Variants in FAM168A observed in about 807,000 individuals in gnomAD.
FAM168A encodes protein FAM168A.
A neutral mutation model predicts 28.5 loss-of-function variants in FAM168A; 3 were observed. The observed-to-expected ratio is 0.11, with a 90% CI of 0.05 to 0.27. The LOEUF (loss-of-function observed/expected upper bound fraction) is 0.27. Ranked by LOEUF, FAM168A falls within the 10% of genes least tolerant of loss-of-function variation. The pLI, the probability that FAM168A is intolerant of heterozygous loss-of-function variation, is 1.00. For synonymous variants in FAM168A, 122 were observed against 124.2 expected (o/e 0.98, Z 0.12); for missense variants, 222 against 311.5 (o/e 0.71, Z 2.16).
chr11:73,461,820 G>C (rs1867651691), intron 2 of FAM168A, among the ~76,000 whole-genome samples: 1 of 152,162 alleles, frequency 6.6e-6, no homozygotes, highest in African/African-American at 2.4e-5. Context: ...ATCCCAGAAA[G>C]AGTAATAATG....
rs1300137285 is a variant in FAM168A at position 73,406,742 on chromosome 11, G to A, written c.*21C>T. The A allele has an allele frequency of 6.6e-6, 1 of 152,644 alleles. No homozygotes were observed. Among genetic ancestry groups the A allele is most frequent in the East Asian group, 1.9e-4 (1 of 5,198 alleles). The allele number at this position is 152,644 out of a possible 1,614,324, so 9.5% of individuals were successfully genotyped here. On this transcript the variant is annotated splice_region_variant and 3_prime_UTR_variant, in exon 8 of 8. Coordinates refer to ENST00000356467, the MANE Select transcript of FAM168A (RefSeq NM_015159.3). ...TAGTTGCATACAATGTGTGACTCCA[G>A]ATCTGCAGAGGGAAAGGGGAAAGAA...
intron 2 of FAM168A, among the ~76,000 whole-genome samples, chr11:73,437,984 T>C (rs1473082316): frequency 6.6e-6 from 1 of 152,182 alleles, no homozygotes; most frequent in Non-Finnish European, 1.5e-5. Flanking sequence ...TCTTCTTGCC[T>C]CGTTGATTCC....
intron 1 of FAM168A, among the ~76,000 whole-genome samples, chr11:73,579,177 C>T (rs990008113): frequency 2.0e-5 from 3 of 152,186 alleles, no homozygotes; most frequent in African/African-American, 7.2e-5. Context: ...CCACCCCAAA[C>T]ATCACACTGA....
At chr11:73,435,016 C>T (rs967263028) in intron 2 of FAM168A, among the ~76,000 whole-genome samples, 2 of 152,186 alleles carry the variant, frequency 1.3e-5, no homozygotes, top group African/African-American at 4.8e-5. Flanking sequence ...GTTAAATGCT[C>T]ACTGGTATTC....
chr11:73,445,200 G>A (rs554121634), intron 2 of FAM168A, among the ~76,000 whole-genome samples: 18 of 151,642 alleles, frequency 1.2e-4, no homozygotes, highest in South Asian at 4.2e-4. Context: ...TAGAGGTTGC[G>A]GCAAGCCAAG....
chr11:73,532,067 C>T (rs1590837408), intron 1 of FAM168A, among the ~76,000 whole-genome samples: 1 of 150,976 alleles, frequency 6.6e-6, no homozygotes, highest in East Asian at 1.9e-4. Flanking sequence ...CCCTCCTTGG[C>T]CTCCCAAAGT....
intron 2 of FAM168A, among the ~76,000 whole-genome samples, chr11:73,460,909 A>C (rs1394819250): frequency 1.3e-5 from 2 of 152,238 alleles, no homozygotes; most frequent in Non-Finnish European, 2.9e-5. Flanking sequence ...TTGTTTAAAG[A>C]AATCTAACTA....
chr11:73,461,117 T>C (rs939203225), intron 2 of FAM168A, among the ~76,000 whole-genome samples: 1 of 151,914 alleles, frequency 6.6e-6, no homozygotes, highest in Non-Finnish European at 1.5e-5. Context: ...GAATTCATTG[T>C]CAATCTTTTT....
intron 1 of FAM168A, among the ~76,000 whole-genome samples, chr11:73,474,932 A>G (rs1867866863): frequency 6.6e-6 from 1 of 152,180 alleles, no homozygotes; most frequent in Non-Finnish European, 1.5e-5. Flanking sequence ...AGAAGCCTCT[A>G]CTAGGAGCTC....
chr11:73,551,110 CAAAA>C (rs199595702), intron 1 of FAM168A, among the ~76,000 whole-genome samples: 2 of 77,038 alleles, frequency 2.6e-5, no homozygotes. Context: ...GACTCTGTCT[CAAAA>C]AAAAAAAAAA....
intron 1 of FAM168A, among the ~76,000 whole-genome samples, chr11:73,591,598 T>C (rs1944382634): frequency 1.3e-5 from 2 of 152,160 alleles, no homozygotes; most frequent in African/African-American, 2.4e-5. Context: ...TAGCCTCAAA[T>C]TCCTGGGCTC....
At chr11:73,407,061 G>T (rs1342365146) in intron 7 of FAM168A, among the ~76,000 whole-genome samples, 1 of 152,224 alleles carries the variant, frequency 6.6e-6, no homozygotes, top group Non-Finnish European at 1.5e-5. Context: ...CTTAACATAT[G>T]ATCTGGGCAA....
At position 73,564,841 on chromosome 11, in the gene FAM168A, A is replaced by G. The variant is rs556932919; in HGVS notation, c.-19+33082T>C. ...GGTAAGTGCCATACAGCCAATACTTAAAACAACGTGTCAGAGTGTCCAGGA... is the reference window on the plus strand; with the variant it reads ...GGTAAGTGCCATACAGCCAATACTTGAAACAACGTGTCAGAGTGTCCAGGA... On this transcript the variant is annotated intron_variant, in intron 1 of 7. Transcript: ENST00000356467. Among the ~76,000 whole-genome samples the G allele has an allele frequency of 1.5e-3, 225 of 152,000 alleles. 1 individual carries two copies. Among genetic ancestry groups the G allele is most frequent in the African/African-American group, 5.3e-3 (218 of 41,480 alleles).
chr11:73,430,277 G>GGTGTGTGTGT (rs35239246), intron 3 of FAM168A: 2 of 172,026 alleles, frequency 1.2e-5, no homozygotes, highest in African/African-American at 5.1e-5. Context: ...TGTGTCCCAA[G>GGTGTGTGTGT]GTGTGTGTGT....
chr11:73,527,911 AG>A (rs1372920889), intron 1 of FAM168A, among the ~76,000 whole-genome samples: 1 of 152,192 alleles, frequency 6.6e-6, no homozygotes, highest in Non-Finnish European at 1.5e-5. Context: ...GTTCACAGCC[AG>A]GAAAACCAAA....
chr11:73,522,669 T>C (rs1408220703), intron 1 of FAM168A, among the ~76,000 whole-genome samples: 1 of 151,286 alleles, frequency 6.6e-6, no homozygotes, highest in Non-Finnish European at 1.5e-5. Flanking sequence ...TTACTGGCTA[T>C]GTCAGATACT....
chr11:73,515,425 C>G (rs927762752), intron 1 of FAM168A, among the ~76,000 whole-genome samples: 1 of 150,798 alleles, frequency 6.6e-6, no homozygotes, highest in Non-Finnish European at 1.5e-5. Context: ...AGGAGATCAC[C>G]TGAACCCGAG....
intron 1 of FAM168A, among the ~76,000 whole-genome samples, chr11:73,523,938 C>G (rs1461708946): frequency 6.6e-6 from 1 of 150,962 alleles, no homozygotes; most frequent in Non-Finnish European, 1.5e-5. Flanking sequence ...TCATAACTCA[C>G]TGTAACCTCA....
intron 1 of FAM168A, among the ~76,000 whole-genome samples, chr11:73,505,909 C>G (rs1005361747): frequency 6.6e-6 from 1 of 152,172 alleles, no homozygotes; most frequent in African/African-American, 2.4e-5. Context: ...AAATCAAGAT[C>G]AAAGGACCCT....
Sources: allele counts gnomAD v4.1 joint callset (sites outside exome capture counted in the v4.1 genomes callset), GRCh38; gene constraint gnomAD v4.1.1; transcripts MANE v1.5; gene names NCBI Gene and HGNC (gene_info 2026-07-23, HGNC 2026-07-21).